Variants in DMD observed in about 807,000 individuals in gnomAD.
DMD encodes the protein dystrophin.
Under a neutral mutation model 330.1 loss-of-function variants are expected in DMD, and 63 were observed. The observed-to-expected ratio is 0.19, with a 90% CI of 0.16 to 0.24. DMD has a LOEUF of 0.24. Ranked by LOEUF, DMD falls within the 10% of genes least tolerant of loss-of-function variation. DMD has a pLI of 1.00. For synonymous variants in DMD, 1,223 were observed against 959.8 expected (o/e 1.27, Z -5.07); for missense variants, 3,344 against 2,684.1 (o/e 1.25, Z -5.43).
At chrX:32,458,068 T>C (rs947673076) in intron 25 of DMD, among the ~76,000 whole-genome samples, 1 of 110,959 alleles carries the variant, frequency 9.0e-6, no homozygotes, top group Admixed American at 9.7e-5. Context: ...TATATACTTA[T>C]GAATTATGTA....
intron 1 of DMD, among the ~76,000 whole-genome samples, chrX:33,167,327 A>G (rs2049106570): frequency 9.0e-6 from 1 of 111,476 alleles, no homozygotes; most frequent in Non-Finnish European, 1.9e-5. Flanking sequence ...AGGACTGTTC[A>G]TAGAAAATAT....
chrX:33,291,906 A>C (rs1444396641), intron 1 of DMD, among the ~76,000 whole-genome samples: 4 of 112,074 alleles, frequency 3.6e-5, no homozygotes, highest in African/African-American at 1.3e-4. Context: ...ATTAGGGAAT[A>C]AGATGTAACC....
chrX:32,491,876 A>G (rs1285045658), intron 19 of DMD, among the ~76,000 whole-genome samples: 1 of 112,161 alleles, frequency 8.9e-6, no homozygotes, highest in Admixed American at 9.5e-5. Flanking sequence ...ATGTTTTCAG[A>G]TACATTTTAC....
chrX:32,970,454 C>A (rs2092338166), intron 2 of DMD, among the ~76,000 whole-genome samples: 1 of 92,063 alleles, frequency 1.1e-5, no homozygotes, highest in African/African-American at 5.0e-5. Context: ...TATTGTGTAC[C>A]CACAAAAATA....
Position 31,756,032 on chromosome X carries a change from G to A in DMD, c.7542+17928C>T, listed in dbSNP as rs748957762. ...TGTGTGCGTGAGAGAGACACAGAGA[G>A]AGAGCGAGAGATTGAGAGTAAGCCC... On this transcript the variant is annotated intron_variant, in intron 51 of 78. Transcript: ENST00000357033. 2.7e-5 allele frequency among the ~76,000 whole-genome samples: 3 copies of A among 111,448 alleles called. No individual in the cohort carries two copies. The East Asian group carries it at 8.5e-4, about 32-fold the overall frequency.
intron 29 of DMD, among the ~76,000 whole-genome samples, chrX:32,425,745 C>T (rs143557738): frequency 0.015 from 1,714 of 111,346 alleles, 14 homozygotes; most frequent in South Asian, 0.067. Flanking sequence ...AACTATACTA[C>T]AGTGCTACAG....
intron 44 of DMD, among the ~76,000 whole-genome samples, chrX:32,067,353 T>C (rs956170665): frequency 1.8e-5 from 2 of 109,785 alleles, no homozygotes; most frequent in African/African-American, 6.6e-5. Flanking sequence ...ATATGACATC[T>C]TTTTTTTTCA....
intron 2 of DMD, among the ~76,000 whole-genome samples, chrX:32,917,405 A>G (rs1312456869): frequency 8.9e-6 from 1 of 112,004 alleles, no homozygotes; most frequent in Non-Finnish European, 1.9e-5. Context: ...GCTACAAACT[A>G]TTTTTGTTTG....
At chrX:31,843,697 A>G (rs1281312084) in intron 48 of DMD, among the ~76,000 whole-genome samples, 2 of 111,599 alleles carry the variant, frequency 1.8e-5, no homozygotes, top group Non-Finnish European at 3.8e-5. Flanking sequence ...TTTGCTGTGT[A>G]GAAGCTCTTT....
At chrX:32,610,133 A>C (rs1292350363) in intron 12 of DMD, among the ~76,000 whole-genome samples, 1 of 111,356 alleles carries the variant, frequency 9.0e-6, no homozygotes, top group African/African-American at 3.2e-5. Flanking sequence ...TTAAGACAAA[A>C]AAGACCAGCT....
At chrX:32,439,173 A>AT (rs2098272242) in intron 28 of DMD, among the ~76,000 whole-genome samples, 1 of 111,695 alleles carries the variant, frequency 9.0e-6, no homozygotes, top group Non-Finnish European at 1.9e-5. Context: ...AGTGATGGGC[A>AT]TATGTTCTCA....
chrX:31,185,077 C>T (rs2041628369), intron 67 of DMD, among the ~76,000 whole-genome samples: 1 of 107,346 alleles, frequency 9.3e-6, no homozygotes, highest in African/African-American at 3.4e-5. Context: ...AACTAACCTG[C>T]ACATTGTGCA....
At chrX:33,158,210 T>C (rs1023539405) in intron 1 of DMD, among the ~76,000 whole-genome samples, 2 of 112,105 alleles carry the variant, frequency 1.8e-5, no homozygotes, top group African/African-American at 6.5e-5. Context: ...CTGTATCATA[T>C]TTTAAGTGCT....
intron 44 of DMD, among the ~76,000 whole-genome samples, chrX:32,038,313 C>T (rs1447952610): frequency 8.9e-6 from 1 of 111,808 alleles, no homozygotes; most frequent in African/African-American, 3.3e-5. Context: ...CAGCTTTGTC[C>T]CGTGACCTTT....
chrX:32,782,119 T>C (rs2074828842), intron 7 of DMD, among the ~76,000 whole-genome samples: 1 of 111,492 alleles, frequency 9.0e-6, no homozygotes, highest in Non-Finnish European at 1.9e-5. Context: ...CTTTGAAAAA[T>C]GTTCATTTCC....
chrX:32,515,157 G>C (rs1436314214), intron 18 of DMD, among the ~76,000 whole-genome samples: 1 of 111,381 alleles, frequency 9.0e-6, no homozygotes, highest in East Asian at 2.8e-4. Flanking sequence ...CGTATGAGTA[G>C]AATAAGTATA....
chrX:32,483,820 C>CAAAA (rs770119472), intron 21 of DMD, among the ~76,000 whole-genome samples: 1,651 of 37,231 alleles, frequency 0.044, 216 homozygotes, highest in African/African-American at 0.087. Context: ...CTCTGAAGTA[C>CAAAA]AAAAAAAAAA....
At chrX:31,405,405 A>G (rs1033171755) in intron 60 of DMD, among the ~76,000 whole-genome samples, 1 of 112,109 alleles carries the variant, frequency 8.9e-6, no homozygotes, top group Non-Finnish European at 1.9e-5. Flanking sequence ...TTTTCAATGC[A>G]TATTTCTGAG....
intron 44 of DMD, among the ~76,000 whole-genome samples, chrX:32,166,073 G>C (rs775471237): frequency 1.8e-5 from 2 of 110,904 alleles, no homozygotes; most frequent in Non-Finnish European, 3.8e-5. Flanking sequence ...TCTTTCTAGC[G>C]GTATGAAAAC....
Sources: gnomAD v4.1 joint callset for allele counts (sites outside exome capture counted in the v4.1 genomes callset) on GRCh38, gnomAD v4.1.1 for gene constraint, MANE v1.5 for transcripts, NCBI Gene and HGNC (gene_info 2026-07-23, HGNC 2026-07-21) for gene names.